MGMT: variants seen among roughly 807,000 people sequenced by gnomAD.
MGMT encodes methylated-DNA--protein-cysteine methyltransferase.
Under a neutral mutation model 15.9 loss-of-function variants are expected in MGMT, and 14 were observed. That is an observed-to-expected ratio of 0.88 (90% CI 0.58 to 1.37). MGMT has a LOEUF of 1.37. Among genes scored for constraint, MGMT ranks in the 40% most tolerant of loss-of-function variants. The pLI is 0.00. For missense variants in MGMT, 282 were observed against 268.1 expected (o/e 1.05, Z -0.36); for synonymous variants, 130 against 118.2 (o/e 1.10, Z -0.65).
At chr10:129,638,075 C>T (rs944906689) in intron 2 of MGMT, among the ~76,000 whole-genome samples, 2 of 152,180 alleles carry the variant, frequency 1.3e-5, no homozygotes, top group Non-Finnish European at 2.9e-5. Context: ...TTGGCAGGTG[C>T]TGGCTCATGC....
At chr10:129,754,643 C>T (rs1848785063) in intron 3 of MGMT, among the ~76,000 whole-genome samples, 1 of 152,242 alleles carries the variant, frequency 6.6e-6, no homozygotes, top group Non-Finnish European at 1.5e-5. Context: ...ATTGGGCTCA[C>T]AGCTCTGGAG....
chr10:129,683,129 G>A (rs1847871051), intron 2 of MGMT, among the ~76,000 whole-genome samples: 2 of 152,226 alleles, frequency 1.3e-5, no homozygotes, highest in South Asian at 2.1e-4. Flanking sequence ...GATTACAGGC[G>A]TGAGCCACCA....
intron 3 of MGMT, among the ~76,000 whole-genome samples, chr10:129,718,259 C>T (rs566050264): frequency 6.6e-6 from 1 of 152,354 alleles, no homozygotes; most frequent in African/African-American, 2.4e-5. Flanking sequence ...TTCGACCTGG[C>T]ATGCAGTGAC....
At chr10:129,505,248 C>T (rs569684742) in intron 1 of MGMT, among the ~76,000 whole-genome samples, 27 of 142,792 alleles carry the variant, frequency 1.9e-4, no homozygotes, top group Non-Finnish European at 3.7e-4. Context: ...CCCCCAACCC[C>T]ACTTTTATTT....
At chr10:129,656,309 A>C (rs1038365831) in intron 2 of MGMT, among the ~76,000 whole-genome samples, 2 of 152,204 alleles carry the variant, frequency 1.3e-5, no homozygotes, top group African/African-American at 4.8e-5. Context: ...CTATCTGCCC[A>C]GTGAACATGG....
At chr10:129,478,660 G>C (rs1445514647) in intron 1 of MGMT, among the ~76,000 whole-genome samples, 2 of 152,218 alleles carry the variant, frequency 1.3e-5, no homozygotes, top group Non-Finnish European at 2.9e-5. Context: ...CCTAAGCTCT[G>C]GCTATGCCCC....
At chr10:129,615,689 G>A (rs993615944) in intron 2 of MGMT, among the ~76,000 whole-genome samples, 5 of 152,040 alleles carry the variant, frequency 3.3e-5, no homozygotes, top group South Asian at 2.1e-4. Context: ...GCTGCCGTGC[G>A]GGTGTGGGCT....
At chr10:129,619,873 G>A (rs923976925) in intron 2 of MGMT, among the ~76,000 whole-genome samples, 3 of 151,940 alleles carry the variant, frequency 2.0e-5, no homozygotes, top group African/African-American at 7.3e-5. Context: ...AATCAGTCTT[G>A]TTACAGGTTT....
chr10:129,641,931 A>T (rs1359111985), intron 2 of MGMT, among the ~76,000 whole-genome samples: 1 of 152,252 alleles, frequency 6.6e-6, no homozygotes, highest in African/African-American at 2.4e-5. Context: ...TATTAGAAGC[A>T]TGTTCAAGGA....
intron 2 of MGMT, among the ~76,000 whole-genome samples, chr10:129,573,663 G>C (rs1846445338): frequency 6.6e-6 from 1 of 151,972 alleles, no homozygotes; most frequent in Non-Finnish European, 1.5e-5. Context: ...TCATCTAAAT[G>C]CTAACTAACC....
intron 4 of MGMT, 122 bp from the exon 5 acceptor site, chr10:129,766,665 GC>G: frequency 1.2e-6 from 1 of 846,390 alleles, no homozygotes; most frequent in Non-Finnish European, 1.8e-6. Flanking sequence ...CCAACAGCCT[GC>G]CCCTGGCACA....
intron 1 of MGMT, among the ~76,000 whole-genome samples, chr10:129,476,418 A>T (rs1845295121): frequency 6.6e-6 from 1 of 152,088 alleles, no homozygotes; most frequent in South Asian, 2.1e-4. Flanking sequence ...CCAGCTGTGG[A>T]GATCATGACA....
chr10:129,501,300 G>T (rs1450286835), intron 1 of MGMT, among the ~76,000 whole-genome samples: 1 of 152,186 alleles, frequency 6.6e-6, no homozygotes, highest in African/African-American at 2.4e-5. Context: ...GGGTGGGGGA[G>T]GATGCCTTTA....
At chr10:129,687,928 A>G (rs1319149163) in intron 2 of MGMT, among the ~76,000 whole-genome samples, 2 of 150,550 alleles carry the variant, frequency 1.3e-5, no homozygotes, top group African/African-American at 2.5e-5. Flanking sequence ...GTTCCCACCT[A>G]TGAGTGAGAA....
intron 2 of MGMT, among the ~76,000 whole-genome samples, chr10:129,654,007 T>G (rs1847494850): frequency 6.6e-6 from 1 of 152,004 alleles, no homozygotes; most frequent in Admixed American, 6.6e-5. Context: ...CACCTCCCCC[T>G]TGACAAGACT....
At chr10:129,657,693 A>G (rs572373159) in intron 2 of MGMT, among the ~76,000 whole-genome samples, 3,454 of 143,878 alleles carry the variant, frequency 0.024, 165 homozygotes, top group African/African-American at 0.087. Context: ...ACACACACAC[A>G]CACACACACA....
At chr10:129,540,383 T>A (rs777694406) in intron 2 of MGMT, among the ~76,000 whole-genome samples, 16 of 152,214 alleles carry the variant, frequency 1.1e-4, no homozygotes, top group Non-Finnish European at 2.1e-4. Flanking sequence ...TCTATTGAGC[T>A]GTCCAGAACC....
intron 2 of MGMT, among the ~76,000 whole-genome samples, chr10:129,619,256 G>T (rs1464613361): frequency 6.6e-6 from 1 of 152,148 alleles, no homozygotes; most frequent in Non-Finnish European, 1.5e-5. Context: ...GAGAAATGCA[G>T]TAATTGATTT....
At chr10:129,727,120 A>G (rs1296701259) in intron 3 of MGMT, among the ~76,000 whole-genome samples, 2 of 152,122 alleles carry the variant, frequency 1.3e-5, no homozygotes, top group Non-Finnish European at 1.5e-5. Context: ...TCTCCATGTG[A>G]CACCCAGTGA....
Sources: allele counts gnomAD v4.1 joint callset (sites outside exome capture counted in the v4.1 genomes callset), GRCh38; gene constraint gnomAD v4.1.1; transcripts MANE v1.5; gene names NCBI Gene and HGNC (gene_info 2026-07-23, HGNC 2026-07-21).